Variants in NISCH observed in about 807,000 individuals in gnomAD.
NISCH encodes the protein I-1 receptor candidate protein.
A neutral mutation model predicts 138.4 loss-of-function variants in NISCH; 55 were observed. The observed-to-expected ratio is 0.40, with a 90% CI of 0.32 to 0.50. The LOEUF (loss-of-function observed/expected upper bound fraction) is 0.50, where lower values mean the gene tolerates loss of function less well. Among genes scored for constraint, NISCH ranks in the 20% least tolerant of loss-of-function variants. The probability of loss-of-function intolerance (pLI) is 0.71; values close to 1 mark genes in which losing one functional copy is unlikely to be tolerated. For synonymous variants in NISCH, 860 were observed against 861.5 expected (o/e 1.00, Z 0.03); for missense variants, 1,643 against 2,005.5 (o/e 0.82, Z 3.45).
Position 52,470,915 on chromosome 3 carries a change from G to A in NISCH, c.409+8G>A, listed in dbSNP as rs1553654601. ...AAGAGCTCTTTGAGAAAGGTATGTGGCCACATGTCCCTGAAATACTGAGCA... is the reference window on the plus strand; with the variant it reads ...AAGAGCTCTTTGAGAAAGGTATGTGACCACATGTCCCTGAAATACTGAGCA... On this transcript the variant is annotated splice_region_variant and intron_variant, in intron 4 of 20. Transcript: ENST00000345716. 13 of 1,613,730 alleles carry A rather than the reference G, an allele frequency of 8.1e-6. No homozygotes were observed. In the South Asian group the frequency reaches 1.2e-4, roughly 15 times the overall value.
intron 1 of NISCH, among the ~76,000 whole-genome samples, chr3:52,455,935 C>T (rs1053040552): frequency 2.7e-5 from 3 of 110,380 alleles, no homozygotes; most frequent in Non-Finnish European, 5.3e-5. Flanking sequence ...GCTCGGGGCC[C>T]GGGGAGGCGG....
chr3:52,477,556 GTTCTT>G lies in NISCH; in HGVS notation c.919-11_919-7del, dbSNP rs753079688. On this transcript the variant is annotated splice_polypyrimidine_tract_variant and intron_variant, in intron 8 of 20. Transcript: ENST00000345716. ...CCAGCCCCCTACAGTAACATCGGGT[GTTCTT>G]TTCTTTCACAAGAAACTGATCCCAA... The G allele has an allele frequency of 1.2e-6, 2 of 1,610,546 alleles. No individual in the cohort carries two copies. The highest frequency in any genetic ancestry group is 2.2e-5 in the South Asian group (2 of 91,008).
At chr3:52,471,122 C>T (rs149073237) in intron 4 of NISCH, among the ~76,000 whole-genome samples, 55 of 152,234 alleles carry the variant, frequency 3.6e-4, no homozygotes, top group African/African-American at 1.3e-3. Context: ...GTGGTGGGTG[C>T]TGGAAGGTGG....
At chr3:52,462,684 G>A (rs1228781937) in intron 3 of NISCH, among the ~76,000 whole-genome samples, 1 of 152,114 alleles carries the variant, frequency 6.6e-6, no homozygotes, top group Non-Finnish European at 1.5e-5. Flanking sequence ...TGGCCAGGCT[G>A]GAGTGCAGTG....
intron 3 of NISCH, among the ~76,000 whole-genome samples, chr3:52,465,256 A>G (rs1017371336): frequency 3.3e-5 from 5 of 151,986 alleles, no homozygotes; most frequent in Admixed American, 1.3e-4. Flanking sequence ...CAACCCCCCA[A>G]GTAGCTGGGA....
intron 13 of NISCH, chr3:52,481,129 T>C: frequency 2.3e-6 from 3 of 1,279,836 alleles, no homozygotes; most frequent in Non-Finnish European, 3.0e-6. Flanking sequence ...CTGGTGGGGA[T>C]TTTCTCTTAG....
chr3:52,484,029 T>C (rs1461868043), intron 13 of NISCH, among the ~76,000 whole-genome samples: 1 of 152,270 alleles, frequency 6.6e-6, no homozygotes, highest in Non-Finnish European at 1.5e-5. Flanking sequence ...TTTCATGTTC[T>C]ATCCGCTGGC....
At position 52,491,945 on chromosome 3, in the gene NISCH, G is replaced by A. The variant is rs762107696; in HGVS notation, c.3978G>A (p.Gly1326=). The change falls in exon 21 of 21, where the codon GGG becomes GGA. Residue 1326 remains glycine, a synonymous_variant. Coordinates refer to ENST00000345716, the MANE Select transcript of NISCH (RefSeq NM_007184.4). ...CCTACCCCAGTGAGGAGGAGATTGG[G>A]GACCTGACGTTCACTGTGGCCCAAA... The part of the protein sequence containing the change: ...KFTYPSEEEI[G]DLTFTVAQKM... 4.6e-5 allele frequency: 74 copies of A among 1,613,480 alleles called. No individual in the cohort carries two copies. Among genetic ancestry groups the A allele is most frequent in the Non-Finnish European group, 6.2e-5 (73 of 1,179,988 alleles).
At chr3:52,490,302 C>G (rs1045185079) in intron 18 of NISCH, 71 bp downstream of exon 18, 21 of 1,541,436 alleles carry the variant, frequency 1.4e-5, no homozygotes, top group Non-Finnish European at 1.8e-5. Flanking sequence ...GGGTCATTCT[C>G]TGGAGCCAGC....
At chr3:52,484,452 A>C in intron 13 of NISCH, 61 bp from the exon 14 acceptor site, 1 of 1,417,488 alleles carries the variant, frequency 7.1e-7, no homozygotes, top group Non-Finnish European at 9.6e-7. Context: ...CACTTGTTGA[A>C]CAGCCGCTCT....
chr3:52,471,439 A>T, intron 4 of NISCH: 1 of 336,436 alleles, frequency 3.0e-6, no homozygotes, highest in African/African-American at 2.2e-5. Context: ...CGCTGGCACC[A>T]TAGGCCTGCG....
chr3:52,492,571 TC>T lies in NISCH; in HGVS notation c.*92del, dbSNP rs1288518604. The T allele has an allele frequency of 4.3e-6, 6 of 1,402,668 alleles. No homozygotes were observed. The highest frequency in any genetic ancestry group is 5.6e-6 in the Non-Finnish European group (6 of 1,062,776). 86.9% of individuals were successfully genotyped at this position (1,402,668 alleles called of 1,614,324 possible). ...TGTGTTCTCTAAAAATGTTTTATCCTCCCTTTGGTACCTTAATTTGACTGTC... is the reference window on the plus strand; with the variant it reads ...TGTGTTCTCTAAAAATGTTTTATCCTCCTTTGGTACCTTAATTTGACTGTC... On this transcript the variant is annotated 3_prime_UTR_variant, in exon 21 of 21. Coordinates refer to ENST00000345716, the MANE Select transcript of NISCH (RefSeq NM_007184.4).
chr3:52,480,187 G>C lies in NISCH; in HGVS notation c.1420G>C (p.Gly474Arg). 1 of 1,613,892 alleles carries C rather than the reference G, an allele frequency of 6.2e-7. No individual in the cohort carries two copies. Among genetic ancestry groups the C allele is most frequent in the African/African-American group, 1.3e-5 (1 of 75,046 alleles). ...SKLSNPEKKGGEDSRLSAAPC... is the reference protein window; with the variant it reads ...SKLSNPEKKGREDSRLSAAPC... ...TGACTCAAGCACTCGTCCTCAGGGT[G>C]GTGAAGACTCCCGGCTCTCAGCTGC... is the stretch of plus-strand genomic sequence containing the variant. The change falls in exon 13 of 21, where the codon GGT (glycine) becomes CGT (arginine). Residue 474 changes from glycine to arginine, a missense_variant. Physicochemically the swap from Gly to Arg is moderately radical, Grantham distance 125. Transcript: ENST00000345716.
chr3:52,470,513 C>A, intron 3 of NISCH: 1 of 298,344 alleles, frequency 3.4e-6, no homozygotes, highest in Non-Finnish European at 6.2e-6. Context: ...CCTAGGAACA[C>A]CCAGAGCCAG....
intron 18 of NISCH, 21 bp downstream of exon 18, chr3:52,490,252 G>A: frequency 6.2e-7 from 1 of 1,609,620 alleles, no homozygotes; most frequent in Non-Finnish European, 8.5e-7. Context: ...GGCCTGCTGG[G>A]GCTCAGGAGC....
At chr3:52,476,174 C>G in intron 7 of NISCH, 1 of 403,068 alleles carries the variant, frequency 2.5e-6, no homozygotes, top group South Asian at 2.9e-5. Context: ...ATCACCAGGT[C>G]ACCAGGGCAA....
Position 52,485,862 on chromosome 3 carries a change from C to A in NISCH, c.1703+35C>A, listed in dbSNP as rs760076249. ...AGGTTGGAAAGGGACCTGGGCCTGG[C>A]CACACAGCCTTATGCACACACACTG... On this transcript the variant is annotated intron_variant, in intron 15 of 20. Coordinates refer to ENST00000345716, the MANE Select transcript of NISCH (RefSeq NM_007184.4). The A allele has an allele frequency of 2.6e-6, 4 of 1,557,300 alleles. No individual in the cohort carries two copies. In the South Asian group the frequency reaches 4.7e-5, roughly 18 times the overall value.
chr3:52,458,996 T>C (rs1224673589), intron 3 of NISCH, 152 bp downstream of exon 3: 2 of 590,648 alleles, frequency 3.4e-6, no homozygotes, highest in Non-Finnish European at 5.8e-6. Context: ...AGGAATGCAT[T>C]GTGGCCAGAA....
At chr3:52,460,619 G>A (rs373966388) in intron 3 of NISCH, among the ~76,000 whole-genome samples, 46 of 151,968 alleles carry the variant, frequency 3.0e-4, no homozygotes, top group African/African-American at 1.1e-3. Flanking sequence ...GCTCAGGTTG[G>A]CCTCAAACTC....
Sources: gnomAD v4.1 joint callset for allele counts (sites outside exome capture counted in the v4.1 genomes callset) on GRCh38, gnomAD v4.1.1 for gene constraint, MANE v1.5 for transcripts, NCBI Gene and HGNC (gene_info 2026-07-23, HGNC 2026-07-21) for gene names.